The following SYNDIG1L variants were observed in gnomAD, a reference collection of about 807,000 sequenced individuals.
The protein encoded by SYNDIG1L is synapse differentiation inducing 1 like.
Under a neutral mutation model 20.1 loss-of-function variants are expected in SYNDIG1L, and 13 were observed. That is an observed-to-expected ratio of 0.65 (90% CI 0.42 to 1.03). The LOEUF (loss-of-function observed/expected upper bound fraction) is 1.03. SYNDIG1L is among the 50% of genes least tolerant of loss of function. The pLI, the probability that SYNDIG1L is intolerant of heterozygous loss-of-function variation, is 0.00. For synonymous variants in SYNDIG1L, 128 were observed against 129.3 expected (o/e 0.99, Z 0.07); for missense variants, 294 against 305.1 (o/e 0.96, Z 0.27).
chr14:74,439,364 A>C, the SYNDIG1L span, among the ~76,000 whole-genome samples: 1 of 152,074 alleles, frequency 6.6e-6, no homozygotes, highest in Non-Finnish European at 1.5e-5. Flanking sequence ...AAAGCTGGTA[A>C]GTGGTGGAAA....
chr14:74,452,202 T>C, the SYNDIG1L span, among the ~76,000 whole-genome samples: 1 of 152,056 alleles, frequency 6.6e-6, no homozygotes, highest in African/African-American at 2.4e-5. Context: ...CCTAAAATTA[T>C]TAAAATTATA....
At chr14:74,437,500 G>A in the SYNDIG1L span, among the ~76,000 whole-genome samples, 1 of 152,140 alleles carries the variant, frequency 6.6e-6, no homozygotes, top group African/African-American at 2.4e-5. Context: ...TTAGTGGCTA[G>A]ACAACACAGA....
chr14:74,428,006 T>A (rs1274127943), upstream of SYNDIG1L, among the ~76,000 whole-genome samples: 5 of 152,228 alleles, frequency 3.3e-5, no homozygotes, highest in African/African-American at 1.2e-4. Context: ...AAGCCGCATA[T>A]AAATTCTAAA....
At chr14:74,468,918 A>T in the SYNDIG1L span, among the ~76,000 whole-genome samples, 1 of 151,732 alleles carries the variant, frequency 6.6e-6, no homozygotes, top group Non-Finnish European at 1.5e-5. Flanking sequence ...AAATAACCTC[A>T]CTGTATCTTG....
the SYNDIG1L span, among the ~76,000 whole-genome samples, chr14:74,460,776 T>C: frequency 9.2e-5 from 14 of 152,132 alleles, no homozygotes; most frequent in Non-Finnish European, 2.9e-5. Flanking sequence ...TTAATAGCTA[T>C]AGCTGGGATC....
At chr14:74,422,196 C>T (rs957813316) in intron 1 of SYNDIG1L, among the ~76,000 whole-genome samples, 1 of 152,176 alleles carries the variant, frequency 6.6e-6, no homozygotes, top group Non-Finnish European at 1.5e-5. Context: ...CGGCCCCACT[C>T]CCTGCTTGGT....
At chr14:74,430,088 C>T (rs968220158), upstream of SYNDIG1L, among the ~76,000 whole-genome samples, 2 of 152,166 alleles carry the variant, frequency 1.3e-5, no homozygotes, top group Non-Finnish European at 2.9e-5. Flanking sequence ...GCTTTCCTGC[C>T]AGGCACACAC....
chr14:74,407,420 A>C lies in SYNDIG1L; in HGVS notation c.*115T>G, dbSNP rs1455319840. On this transcript the variant is annotated 3_prime_UTR_variant, in exon 4 of 4. Transcript: ENST00000331628. ...TGGAATGGGGGTCTCCCCCTCAGCA[A>C]GCCACTCTCACGGGATCATCTTCAG... 6.9e-7 allele frequency: 1 copy of C among 1,441,304 alleles called. No homozygotes were observed. Among genetic ancestry groups the C allele is most frequent in the African/African-American group, 1.4e-5 (1 of 71,620 alleles). The allele number at this position is 1,441,304 out of a possible 1,614,324, so 89.3% of individuals were successfully genotyped here.
the SYNDIG1L span, among the ~76,000 whole-genome samples, chr14:74,465,235 G>A: frequency 2.6e-5 from 4 of 152,326 alleles, no homozygotes; most frequent in East Asian, 7.7e-4. Context: ...CATCACTTGG[G>A]CTAAATCCTG....
At chr14:74,422,424 C>A (rs781540592) in intron 1 of SYNDIG1L, among the ~76,000 whole-genome samples, 1 of 152,140 alleles carries the variant, frequency 6.6e-6, no homozygotes, top group Non-Finnish European at 1.5e-5. Context: ...GTTTAGAGAA[C>A]TGGGATATTC....
intron 1 of SYNDIG1L, among the ~76,000 whole-genome samples, chr14:74,416,702 C>T (rs565159481): frequency 3.9e-4 from 59 of 152,208 alleles, no homozygotes; most frequent in Middle Eastern, 3.4e-3. Flanking sequence ...ACAAAATATG[C>T]TGCAAATAAG....
upstream of SYNDIG1L, among the ~76,000 whole-genome samples, chr14:74,430,217 C>G (rs1235661815): frequency 6.6e-6 from 1 of 152,162 alleles, no homozygotes; most frequent in Non-Finnish European, 1.5e-5. Flanking sequence ...CCACCACTAA[C>G]TCTGGCATCC....
Position 74,407,967 on chromosome 14 carries a change from C to T in SYNDIG1L, c.440G>A (p.Ser147Asn). The T allele has an allele frequency of 6.2e-7, 1 of 1,612,800 alleles. No individual in the cohort carries two copies. The highest frequency in any genetic ancestry group is 8.5e-7 in the Non-Finnish European group (1 of 1,179,328). Reference sequence around the variant, plus strand: ...CGTGAGGAAGTTGTCTTCACTTTCACTCTCCGTTGAAGTGGCATCGCTCTG... The same window carrying T: ...CGTGAGGAAGTTGTCTTCACTTTCATTCTCCGTTGAAGTGGCATCGCTCTG... ...EEESDATSTE[S>N]ESEDNFLTLP... The change falls in exon 3 of 4, where the codon AGT becomes AAT. Residue 147 changes from serine (S) to asparagine (N), a missense_variant. Ser to Asn is a conservative substitution (Grantham distance 46, BLOSUM62 1). Coordinates refer to ENST00000331628, the MANE Select transcript of SYNDIG1L (RefSeq NM_001105579.2).
the SYNDIG1L span, among the ~76,000 whole-genome samples, chr14:74,447,946 C>G: frequency 6.6e-6 from 1 of 151,992 alleles, no homozygotes; most frequent in Non-Finnish European, 1.5e-5. Context: ...TTGAGGTAAA[C>G]TGTGATAGTA....
chr14:74,473,957 G>A, the SYNDIG1L span: 2 of 152,162 alleles, frequency 1.3e-5, no homozygotes, highest in Admixed American at 6.5e-5. Flanking sequence ...TGTTCTTCTG[G>A]TGACCAAATC....
the SYNDIG1L span, among the ~76,000 whole-genome samples, chr14:74,460,377 C>CTG: frequency 6.6e-6 from 1 of 152,166 alleles, no homozygotes; most frequent in African/African-American, 2.4e-5. Flanking sequence ...CCCCACCCTC[C>CTG]CACCAGCTTG....
In SYNDIG1L at chr14:74,407,322, G is replaced by C. The variant is rs1376768764; in HGVS notation, c.*213C>G. 5 of 671,218 alleles carry C rather than the reference G, an allele frequency of 7.4e-6. No individual in the cohort carries two copies. The highest frequency in any genetic ancestry group is 9.9e-6 in the Non-Finnish European group (4 of 403,712). 41.6% of individuals were successfully genotyped at this position (671,218 alleles called of 1,614,324 possible). On this transcript the variant is annotated 3_prime_UTR_variant, in exon 4 of 4. Coordinates refer to ENST00000331628, the MANE Select transcript of SYNDIG1L (RefSeq NM_001105579.2). The stretch of plus-strand genomic sequence containing the variant: ...TCCCGTCTGTAGCCTGGGTTAGAGA[G>C]TGGCGCCCCGGGCCCTGCTCTGGGG...
At chr14:74,435,351 G>GT in the SYNDIG1L span, among the ~76,000 whole-genome samples, 1 of 152,346 alleles carries the variant, frequency 6.6e-6, no homozygotes, top group East Asian at 1.9e-4. Context: ...AGAGCACAGT[G>GT]TACAAAGGCT....
At chr14:74,431,197 C>G (rs993529398), upstream of SYNDIG1L, among the ~76,000 whole-genome samples, 7 of 152,092 alleles carry the variant, frequency 4.6e-5, no homozygotes, top group African/African-American at 1.7e-4. Flanking sequence ...GGACCCAGGA[C>G]TGCTCCCATC....
Sources: allele counts gnomAD v4.1 joint callset (sites outside exome capture counted in the v4.1 genomes callset), GRCh38; gene constraint gnomAD v4.1.1; transcripts MANE v1.5; gene names NCBI Gene and HGNC (gene_info 2026-07-23, HGNC 2026-07-21).